TRMT1: variants seen among roughly 807,000 people sequenced by gnomAD.
TRMT1 encodes tRNA (guanine(26)-N(2))-dimethyltransferase.
A neutral mutation model predicts 75.4 loss-of-function variants in TRMT1; 63 were observed. The observed-to-expected ratio is 0.84, with a 90% CI of 0.68 to 1.03. The LOEUF is 1.03. Among genes scored for constraint, TRMT1 ranks in the 50% least tolerant of loss-of-function variants. The pLI is 0.00. For missense variants in TRMT1, 870 were observed against 905.3 expected, an observed-to-expected ratio of 0.96 and a Z score of 0.50; for synonymous variants, 382 against 358.1, an observed-to-expected ratio of 1.07 and a Z score of -0.75.
rs1218475481 is a variant in TRMT1, at chr19:13,105,093, A to G, written c.1834-12T>C. The G allele has an allele frequency of 1.9e-6, 3 of 1,575,234 alleles. No individual in the cohort carries two copies. Among genetic ancestry groups the G allele is most frequent in the African/African-American group, 2.7e-5 (2 of 74,260 alleles). On this transcript the variant is annotated splice_polypyrimidine_tract_variant and intron_variant, in intron 16 of 16. Transcript: ENST00000357720. ...CGTTGACAGGTGCCCTGGTGGGAAG[A>G]TGGTGGGTGTGAACCCCTGCCCGGA...
chr19:13,112,668 C>T, intron 7 of TRMT1, 37 bp downstream of exon 7: 1 of 1,591,124 alleles, frequency 6.3e-7, no homozygotes, highest in Non-Finnish European at 8.6e-7. Context: ...CCACCTGTCC[C>T]CCGGTCTCCC....
At position 13,105,029 on chromosome 19, in the gene TRMT1, G is replaced by T; in HGVS notation, c.1886C>A (p.Pro629His). 6.2e-7 allele frequency: 1 copy of T among 1,610,844 alleles called. No homozygotes were observed. The highest frequency in any genetic ancestry group is 8.5e-7 in the Non-Finnish European group (1 of 1,178,152). ...QCCYSHSPPT[P>H]RVSADAAPDC... is the part of the protein sequence containing the mutation. ...AGGGGCAGCATCAGCAGAAACCCTG[G>T]GTGTCGGGGGGCTGTGGGAGTAGCA... The change falls in exon 17 of 17, where the codon CCC (proline) becomes CAC (histidine). Residue 629 changes from proline (P) to histidine (H), a missense_variant. By Grantham distance (77) the Pro-to-His change is moderately conservative. Transcript: ENST00000357720.
Position 13,104,938 on chromosome 19 carries a change from G to C in TRMT1, c.1977C>G (p.Asp659Glu). Residue 659 changes from aspartate to glutamate, a missense_variant, in exon 17 of 17, where the codon GAC becomes GAG. Coordinates refer to ENST00000357720, the MANE Select transcript of TRMT1 (RefSeq NM_001136035.4). Reference sequence around the variant, plus strand: ...GACGTGACATCTCTTTATTGGTTCAGTCTATGCCTGGCCCAGCGGCAGCCC... The same window carrying C: ...GACGTGACATCTCTTTATTGGTTCACTCTATGCCTGGCCCAGCGGCAGCCC... ...GPGAAAGPGI[D>E] 1 of 1,613,988 alleles carries C rather than the reference G, an allele frequency of 6.2e-7. No homozygotes were observed. Among genetic ancestry groups the C allele is most frequent in the Non-Finnish European group, 8.5e-7 (1 of 1,179,938 alleles).
intron 7 of TRMT1, among the ~76,000 whole-genome samples, chr19:13,112,265 A>G (rs548143888): frequency 1.8e-4 from 28 of 152,238 alleles, no homozygotes; most frequent in Non-Finnish European, 4.0e-4. Context: ...CTGGGATTAC[A>G]GGTGTGAGCC....
At chr19:13,110,128 T>G in intron 8 of TRMT1, 30 bp downstream of exon 8, 1 of 1,610,526 alleles carries the variant, frequency 6.2e-7, no homozygotes, top group South Asian at 1.1e-5. Context: ...CCTCTCTCAA[T>G]CCACCACCGC....
intron 7 of TRMT1, among the ~76,000 whole-genome samples, chr19:13,110,973 G>A (rs942757990): frequency 1.3e-5 from 2 of 152,048 alleles, no homozygotes; most frequent in South Asian, 2.1e-4. Context: ...AAAGCAAAAC[G>A]GCTAGGGCTT....
intron 12 of TRMT1, among the ~76,000 whole-genome samples, chr19:13,108,686 C>T (rs895769896): frequency 2.0e-5 from 3 of 151,936 alleles, no homozygotes; most frequent in African/African-American, 7.3e-5. Flanking sequence ...GGCTCACCAC[C>T]GCCTCCTCCT....
intron 5 of TRMT1, among the ~76,000 whole-genome samples, chr19:13,114,733 C>T (rs547953891): frequency 7.2e-5 from 11 of 152,132 alleles, no homozygotes; most frequent in African/African-American, 2.4e-4. Flanking sequence ...CCCAGCTACT[C>T]GGGAGGCTGA....
At position 13,110,010 on chromosome 19, in the gene TRMT1, G is replaced by T; in HGVS notation, c.1020-9C>A. ...ACACCAGCGCCTGCTTGCTGTGGGG[G>T]GTACCAGTGGCCACGAGTTCCCAGC... On this transcript the variant is annotated splice_polypyrimidine_tract_variant and intron_variant, in intron 8 of 16. Transcript: ENST00000357720. 1 of 1,612,950 alleles carries T rather than the reference G, an allele frequency of 6.2e-7. No individual in the cohort carries two copies. Among genetic ancestry groups the T allele is most frequent in the Non-Finnish European group, 8.5e-7 (1 of 1,179,904 alleles).
At chr19:13,112,842 G>A in intron 6 of TRMT1, 25 bp from the exon 7 acceptor site, 1 of 1,613,934 alleles carries the variant, frequency 6.2e-7, no homozygotes, top group Non-Finnish European at 8.5e-7. Flanking sequence ...TGGGCAGTGA[G>A]AACCCTCCAA....
rs1167531125 is a variant in TRMT1 at position 13,109,457 on chromosome 19, C to G, written c.1321G>C (p.Asp441His). ...TCCAGGGTGTAGTACAGAGGCACGT[C>G]CGGGAGCTCCTGCGATGGGGGACAG... The part of the protein sequence containing the change: ...VLSVITEELP[D>H]VPLYYTLDQL... The change falls in exon 12 of 17, where the codon GAC becomes CAC. Residue 441 changes from aspartate to histidine, a missense_variant. Coordinates refer to ENST00000357720, the MANE Select transcript of TRMT1 (RefSeq NM_001136035.4). 2 of 1,613,730 alleles carry G rather than the reference C, an allele frequency of 1.2e-6. No homozygotes were observed. The highest frequency in any genetic ancestry group is 1.7e-6 in the Non-Finnish European group (2 of 1,180,016).
chr19:13,114,594 G>A (rs563269542), intron 5 of TRMT1, among the ~76,000 whole-genome samples: 75 of 152,262 alleles, frequency 4.9e-4, no homozygotes, highest in Middle Eastern at 6.8e-3. Flanking sequence ...CCTGGGAGGC[G>A]GAGGTTGCAG....
At chr19:13,109,108 GTA>G (rs746480206) in intron 12 of TRMT1, among the ~76,000 whole-genome samples, 1 of 149,718 alleles carries the variant, frequency 6.7e-6, no homozygotes, top group Non-Finnish European at 1.5e-5. Flanking sequence ...GTGTGTGTGT[GTA>G]TACATACGTA....
chr19:13,116,114 C>G (rs943523853), intron 2 of TRMT1, 32 bp downstream of exon 2: 1 of 1,613,948 alleles, frequency 6.2e-7, no homozygotes, highest in Admixed American at 1.7e-5. Context: ...ACCCACTAGC[C>G]GATGCCAGGC....
intron 5 of TRMT1, 78 bp downstream of exon 5, chr19:13,115,201 G>C: frequency 1.4e-6 from 2 of 1,457,174 alleles, no homozygotes; most frequent in Non-Finnish European, 1.8e-6. Context: ...CAAGGTCACA[G>C]AGTGAGAATG....
At chr19:13,115,238 C>G in intron 5 of TRMT1, 41 bp downstream of exon 5, 1 of 1,563,828 alleles carries the variant, frequency 6.4e-7, no homozygotes, top group South Asian at 1.2e-5. Context: ...TGACCCCAGG[C>G]AGGCTTGTCC....
rs757464565 is a variant in TRMT1 at position 13,109,511 on chromosome 19, C to G, written c.1311+39G>C. On this transcript the variant is annotated intron_variant, in intron 11 of 16. Transcript: ENST00000357720. ...GGGCATGAGTGGAGATGGACGGGCACAGGTGGAGCCCCCTTCCCCGTCACA... is the reference window on the plus strand; with the variant it reads ...GGGCATGAGTGGAGATGGACGGGCAGAGGTGGAGCCCCCTTCCCCGTCACA... The G allele has an allele frequency of 2.5e-6, 4 of 1,613,996 alleles. No individual in the cohort carries two copies. The South Asian group carries it at 4.4e-5, about 18-fold the overall frequency.
In TRMT1 at chr19:13,116,444, G is replaced by T; in HGVS notation, c.-32-13C>A. On this transcript the variant is annotated splice_polypyrimidine_tract_variant and intron_variant, in intron 1 of 16. Transcript: ENST00000357720. ...CCGCCCGCCAAGCCTGGTTCGGGGGGCGGGGGAGGGCACAGAGAGGGTCAG... is the reference window on the plus strand; with the variant it reads ...CCGCCCGCCAAGCCTGGTTCGGGGGTCGGGGGAGGGCACAGAGAGGGTCAG... 1.3e-6 allele frequency: 2 copies of T among 1,574,400 alleles called. No homozygotes were observed. The highest frequency in any genetic ancestry group is 1.7e-6 in the Non-Finnish European group (2 of 1,163,596).
rs1183720458 is a variant in TRMT1, at chr19:13,115,370, C to T, written c.550G>A (p.Asp184Asn). 1.2e-6 allele frequency: 2 copies of T among 1,614,076 alleles called. No individual in the cohort carries two copies. Among genetic ancestry groups the T allele is most frequent in the Non-Finnish European group, 1.7e-6 (2 of 1,180,018 alleles). The change falls in exon 5 of 17, where the codon GAT (aspartate) becomes AAT (asparagine). Residue 184 changes from aspartate to asparagine, a missense_variant. Coordinates refer to ENST00000357720, the MANE Select transcript of TRMT1 (RefSeq NM_001136035.4). Reference sequence around the variant, plus strand: ...AGATCCACAGCCCGGGTGGAGGCATCGTTTGCAACCACAGATCTGAGCCCA... The same window carrying T: ...AGATCCACAGCCCGGGTGGAGGCATTGTTTGCAACCACAGATCTGAGCCCA... ...VPGLRSVVAN[D>N]ASTRAVDLIR...
Sources: allele counts gnomAD v4.1 joint callset (sites outside exome capture counted in the v4.1 genomes callset), GRCh38; gene constraint gnomAD v4.1.1; transcripts MANE v1.5; gene names NCBI Gene and HGNC (gene_info 2026-07-23, HGNC 2026-07-21).